The following TOX2 variants were observed in gnomAD, a reference collection of about 807,000 sequenced individuals.
TOX2 encodes granulosa cell HMG box 1.
Under a neutral mutation model 47.4 loss-of-function variants are expected in TOX2, and 15 were observed. The ratio of observed to expected loss-of-function variants is 0.32; its 90% CI spans 0.21 to 0.49. The LOEUF (loss-of-function observed/expected upper bound fraction) is 0.49. TOX2 is among the 20% of genes least tolerant of loss of function. The pLI is 0.99. For synonymous variants in TOX2, 290 were observed against 296.6 expected (o/e 0.98, Z 0.23); for missense variants, 622 against 673.1 (o/e 0.92, Z 0.84).
At chr20:44,061,233 TAAAAAGTTACCAACAA>T (rs972283757) in intron 5 of TOX2, among the ~76,000 whole-genome samples, 1 of 151,984 alleles carries the variant, frequency 6.6e-6, no homozygotes. Flanking sequence ...AAATGGTAAT[TAAAAAGTTACCAACAA>T]AAAAAGGCCA....
At chr20:43,972,443 C>T (rs1462934388) in intron 1 of TOX2, among the ~76,000 whole-genome samples, 1 of 152,198 alleles carries the variant, frequency 6.6e-6, no homozygotes, top group Non-Finnish European at 1.5e-5. Flanking sequence ...TTCTTAATAG[C>T]CACATGCATC....
At chr20:43,963,256 A>G (rs2069793020) in intron 1 of TOX2, among the ~76,000 whole-genome samples, 1 of 152,106 alleles carries the variant, frequency 6.6e-6, no homozygotes, top group South Asian at 2.1e-4. Context: ...CCATTTTTAC[A>G]CTACCCCTCG....
chr20:43,997,061 C>G (rs994306606), intron 2 of TOX2, among the ~76,000 whole-genome samples: 5 of 152,146 alleles, frequency 3.3e-5, no homozygotes, highest in African/African-American at 1.2e-4. Flanking sequence ...ATGCTATACT[C>G]CAACTCTCAA....
intron 5 of TOX2, among the ~76,000 whole-genome samples, chr20:44,058,732 A>G (rs1160205613): frequency 6.6e-6 from 1 of 152,226 alleles, no homozygotes; most frequent in African/African-American, 2.4e-5. Flanking sequence ...CTCTTTGCAG[A>G]CACTCCCCAG....
rs1325521677 is a variant in TOX2 at position 43,934,167 on chromosome 20, G to GAGAGAGAGAGAGAGAGAGAGAGA, written c.99+19178_99+19179insGAGAGAGAGAGAGAGAGAGAGAA. On this transcript the variant is annotated intron_variant, in intron 1 of 8. Coordinates refer to ENST00000341197, the MANE Select transcript of TOX2 (RefSeq NM_001098797.2). ...AGAGAGAGAGAGAGAGAGAGAGAGA[G>GAGAGAGAGAGAGAGAGAGAGAGA]ACCTGCCCTCAGTCAGAAATGGCAG... Among the ~76,000 whole-genome samples, 82 of 149,852 alleles carry GAGAGAGAGAGAGAGAGAGAGAGA rather than the reference G, an allele frequency of 5.5e-4. 1 individual carries two copies. Among genetic ancestry groups the GAGAGAGAGAGAGAGAGAGAGAGA allele is most frequent in the African/African-American group, 2.0e-3 (82 of 40,422 alleles).
intron 1 of TOX2, among the ~76,000 whole-genome samples, chr20:43,953,767 T>C (rs1486414913): frequency 2.0e-5 from 3 of 152,078 alleles, no homozygotes; most frequent in Non-Finnish European, 4.4e-5. Context: ...GATCTTTGTT[T>C]TGAGGACAGA....
chr20:43,958,993 G>A (rs544629311), intron 1 of TOX2, among the ~76,000 whole-genome samples: 2 of 152,340 alleles, frequency 1.3e-5, no homozygotes, highest in East Asian at 1.9e-4. Context: ...GAGAGAAAAG[G>A]CCTCTTAGGA....
At chr20:43,987,715 T>C (rs2070291739) in intron 2 of TOX2, among the ~76,000 whole-genome samples, 1 of 152,048 alleles carries the variant, frequency 6.6e-6, no homozygotes, top group South Asian at 2.1e-4. Flanking sequence ...TTGAACAATG[T>C]ATTTAACTTC....
intron 3 of TOX2, among the ~76,000 whole-genome samples, chr20:44,012,483 T>G (rs1315408617): frequency 1.3e-5 from 2 of 152,150 alleles, no homozygotes; most frequent in East Asian, 3.8e-4. Context: ...AAATGTGGGT[T>G]TTTCCTGCAC....
chr20:43,975,060 C>A lies in TOX2; in HGVS notation c.165+1628C>A, dbSNP rs141536739. 1.9e-3 allele frequency among the ~76,000 whole-genome samples: 283 copies of A among 152,304 alleles called. 4 individuals carry two copies. The highest frequency in any genetic ancestry group is 6.5e-3 in the African/African-American group (270 of 41,558). Reference sequence around the variant, plus strand: ...CAACTGAAGTCTCATCTCAGCAGACCAGAGTTAGCCCTGACATCTCATCTG... The same window carrying A: ...CAACTGAAGTCTCATCTCAGCAGACAAGAGTTAGCCCTGACATCTCATCTG... On this transcript the variant is annotated intron_variant, in intron 2 of 8. Transcript: ENST00000341197.
intron 5 of TOX2, among the ~76,000 whole-genome samples, chr20:44,058,827 C>T (rs1366696696): frequency 2.0e-5 from 3 of 152,368 alleles, no homozygotes; most frequent in East Asian, 1.9e-4. Context: ...CTCAGGAAAC[C>T]ACATCCCTAG....
intron 1 of TOX2, among the ~76,000 whole-genome samples, chr20:43,953,980 A>T (rs900654550): frequency 1.3e-5 from 2 of 152,178 alleles, no homozygotes; most frequent in Non-Finnish European, 2.9e-5. Flanking sequence ...GACTCAAAGA[A>T]TGGAACCTCA....
At chr20:43,996,507 C>G (rs911273400) in intron 2 of TOX2, among the ~76,000 whole-genome samples, 1 of 152,200 alleles carries the variant, frequency 6.6e-6, no homozygotes, top group African/African-American at 2.4e-5. Flanking sequence ...GTAGGCAGGG[C>G]TTCTTGTCCT....
chr20:43,960,383 C>T (rs1323692581), intron 1 of TOX2, among the ~76,000 whole-genome samples: 1 of 152,156 alleles, frequency 6.6e-6, no homozygotes, highest in Non-Finnish European at 1.5e-5. Context: ...AACACTCACC[C>T]CCTGGGCATC....
In TOX2 at chr20:44,051,406, T is replaced by G; in HGVS notation, c.512T>G (p.Leu171Arg). 2 of 1,614,062 alleles carry G rather than the reference T, an allele frequency of 1.2e-6. No homozygotes were observed. Among genetic ancestry groups the G allele is most frequent in the Non-Finnish European group, 1.7e-6 (2 of 1,179,994 alleles). Reference protein sequence around the residue: ...PAMLASHMSALSQSQLISQMG... With the variant: ...PAMLASHMSARSQSQLISQMG... ...ATGCTGGCCAGCCACATGAGTGCCC[T>G]CAGCCAGTCCCAGCTCATCTCGCAG... is the stretch of plus-strand genomic sequence containing the variant. The change falls in exon 4 of 9, where the codon CTC becomes CGC. Residue 171 changes from leucine to arginine, a missense_variant. Around this residue, in one of 3 missense-constraint regions of TOX2, gnomAD observed 307 missense variants for 327.3 expected, o/e 0.94. Transcript: ENST00000341197.
At chr20:43,947,369 ACACT>A (rs2069491529) in intron 1 of TOX2, among the ~76,000 whole-genome samples, 3 of 152,360 alleles carry the variant, frequency 2.0e-5, no homozygotes, top group African/African-American at 7.2e-5. Context: ...ACGTGTGCAC[ACACT>A]CACTGTGTAA....
intron 2 of TOX2, among the ~76,000 whole-genome samples, chr20:43,978,742 T>A (rs1323511713): frequency 6.6e-6 from 1 of 150,966 alleles, no homozygotes; most frequent in Non-Finnish European, 1.5e-5. Flanking sequence ...TCACATTTTT[T>A]ACAGGAATTA....
chr20:44,019,150 C>T (rs542131435), intron 3 of TOX2, among the ~76,000 whole-genome samples: 1 of 152,304 alleles, frequency 6.6e-6, no homozygotes, highest in South Asian at 2.1e-4. Flanking sequence ...AAATAAATGC[C>T]TCTGTAAACA....
chr20:43,957,674 C>G (rs1600682268), intron 1 of TOX2, among the ~76,000 whole-genome samples: 1 of 151,504 alleles, frequency 6.6e-6, no homozygotes, highest in East Asian at 1.9e-4. Context: ...CATCTGAGGC[C>G]TCTGTATTAG....
Sources: allele counts gnomAD v4.1 joint callset (sites outside exome capture counted in the v4.1 genomes callset), GRCh38; gene constraint gnomAD v4.1.1; regional missense constraint gnomAD v4.1.1; transcripts MANE v1.5; gene names NCBI Gene and HGNC (gene_info 2026-07-23, HGNC 2026-07-21).